The following NEK1 variants were observed in gnomAD, a reference collection of about 807,000 sequenced individuals.
NEK1 encodes the protein NIMA related kinase 1, also known as serine/threonine-protein kinase Nek1.
NEK1 carries 137 observed loss-of-function variants against 182.1 expected under a neutral mutation model. The ratio of observed to expected loss-of-function variants is 0.75; its 90% CI spans 0.65 to 0.87. The LOEUF is 0.87. Ranked by LOEUF, NEK1 falls within the 40% of genes least tolerant of loss-of-function variation. NEK1 has a pLI of 0.00. For missense variants in NEK1, 1,391 were observed against 1,494.4 expected (o/e 0.93, Z 1.14); for synonymous variants, 513 against 492.2 (o/e 1.04, Z -0.56).
intron 27 of NEK1, among the ~76,000 whole-genome samples, chr4:169,443,608 T>C (rs904436733): frequency 1.3e-5 from 2 of 151,866 alleles, no homozygotes; most frequent in Non-Finnish European, 2.9e-5. Flanking sequence ...CATAGAAAAT[T>C]TCTCTAACGA....
At chr4:169,511,076 T>C (rs6829886) in intron 19 of NEK1, among the ~76,000 whole-genome samples, 42,935 of 152,070 alleles carry the variant, frequency 0.28, 8,618 homozygotes, top group African/African-American at 0.58. Context: ...ATAAGCACTG[T>C]TGATCTTAAA....
intron 12 of NEK1, among the ~76,000 whole-genome samples, chr4:169,565,152 T>G (rs1006880018): frequency 3.9e-5 from 6 of 152,176 alleles, no homozygotes; most frequent in African/African-American, 9.6e-5. Context: ...TTAGAGTTGA[T>G]GAGATAAAAA....
intron 18 of NEK1, among the ~76,000 whole-genome samples, chr4:169,549,041 C>T (rs1008820061): frequency 2.0e-5 from 3 of 152,194 alleles, no homozygotes; most frequent in Non-Finnish European, 2.9e-5. Context: ...TTGGCTACCT[C>T]GGTGTCTGCC....
chr4:169,443,460 G>A (rs1412171004), intron 27 of NEK1, among the ~76,000 whole-genome samples: 10 of 145,526 alleles, frequency 6.9e-5, no homozygotes, highest in African/African-American at 1.0e-4. Flanking sequence ...CAGTTCTTTC[G>A]AAATAATCCA....
intron 23 of NEK1, among the ~76,000 whole-genome samples, chr4:169,483,838 C>T (rs1163351913): frequency 7.5e-5 from 11 of 146,808 alleles, no homozygotes; most frequent in Admixed American, 6.9e-4. Flanking sequence ...TGCACTCCAG[C>T]CTGGGCGACA....
chr4:169,441,367 G>A (rs187038265), intron 27 of NEK1, among the ~76,000 whole-genome samples: 67 of 152,334 alleles, frequency 4.4e-4, no homozygotes, highest in African/African-American at 1.5e-3. Flanking sequence ...CTGGTAGCTG[G>A]GAGATCGATC....
chr4:169,424,845 T>C (rs1487363731), intron 30 of NEK1, 45 bp from the exon 31 acceptor site: 1 of 1,509,212 alleles, frequency 6.6e-7, no homozygotes, highest in African/African-American at 1.4e-5. Context: ...ATACAGTACT[T>C]AAAGTTCTAA....
At chr4:169,441,908 C>T (rs942253199) in intron 27 of NEK1, among the ~76,000 whole-genome samples, 3 of 152,056 alleles carry the variant, frequency 2.0e-5, no homozygotes, top group African/African-American at 7.2e-5. Flanking sequence ...TGGAGATCTA[C>T]CCACCTCTGT....
Position 169,394,196 on chromosome 4 carries a change from C to G in NEK1, c.*314G>C, listed in dbSNP as rs1253797195. 1 of 233,628 alleles carries G rather than the reference C, an allele frequency of 4.3e-6. No individual in the cohort carries two copies. The highest frequency in any genetic ancestry group is 8.2e-6 in the Non-Finnish European group (1 of 121,952). 14.5% of individuals were successfully genotyped at this position (233,628 alleles called of 1,614,324 possible). A position where few individuals can be genotyped will look rare whatever the true frequency, so the allele number is the denominator to read the frequency against. On this transcript the variant is annotated 3_prime_UTR_variant, in exon 36 of 36. Transcript: ENST00000507142. ...ACATTTGCTGAAACTCAAAGTTACC[C>G]TATTGCATAGTAAATCTTCAAAACC...
intron 19 of NEK1, among the ~76,000 whole-genome samples, chr4:169,515,336 T>C (rs994021671): frequency 2.0e-5 from 3 of 152,206 alleles, no homozygotes; most frequent in Admixed American, 6.5e-5. Flanking sequence ...ATATCCTTGC[T>C]GATTTTCTGT....
intron 35 of NEK1, among the ~76,000 whole-genome samples, chr4:169,396,365 CAAAAAAAAAAA>C (rs70961598): frequency 7.1e-4 from 27 of 38,052 alleles, no homozygotes; most frequent in Non-Finnish European, 9.9e-4. Context: ...GACTCCATCT[CAAAAAAAAAAA>C]AAAAAAAAAA....
At chr4:169,476,551 G>T (rs1250889311) in intron 26 of NEK1, among the ~76,000 whole-genome samples, 2 of 152,052 alleles carry the variant, frequency 1.3e-5, no homozygotes, top group Admixed American at 6.6e-5. Flanking sequence ...TACAAAAACA[G>T]TCTGTGAAAA....
At chr4:169,563,380 A>C (rs138519181) in intron 12 of NEK1, among the ~76,000 whole-genome samples, 179 of 152,184 alleles carry the variant, frequency 1.2e-3, no homozygotes, top group African/African-American at 3.6e-3. Flanking sequence ...AAAATAAAAA[A>C]ATCAAGTATC....
chr4:169,597,103 G>T (rs540091064), intron 5 of NEK1, among the ~76,000 whole-genome samples: 1 of 152,140 alleles, frequency 6.6e-6, no homozygotes, highest in Non-Finnish European at 1.5e-5. Context: ...TTTAAAGTTC[G>T]ATAGGGATAA....
At chr4:169,456,542 C>G (rs1000044673) in intron 27 of NEK1, among the ~76,000 whole-genome samples, 1 of 152,122 alleles carries the variant, frequency 6.6e-6, no homozygotes, top group African/African-American at 2.4e-5. Flanking sequence ...ACAACTGATA[C>G]TGCAGAAATT....
chr4:169,450,167 T>C (rs1741427704), intron 27 of NEK1, among the ~76,000 whole-genome samples: 1 of 151,952 alleles, frequency 6.6e-6, no homozygotes, highest in Non-Finnish European at 1.5e-5. Context: ...CTCCAAGAAA[T>C]ATGACACTAT....
chr4:169,567,274 TG>T (rs1189960919), intron 12 of NEK1, among the ~76,000 whole-genome samples: 33 of 152,188 alleles, frequency 2.2e-4, no homozygotes, highest in African/African-American at 7.5e-4. Context: ...TTTCTTCAAA[TG>T]TTTTTTTCAT....
intron 19 of NEK1, among the ~76,000 whole-genome samples, chr4:169,524,070 A>G (rs1038779954): frequency 2.6e-5 from 4 of 152,350 alleles, no homozygotes; most frequent in African/African-American, 9.6e-5. Flanking sequence ...AAACTCTTGC[A>G]CATGTGTACC....
chr4:169,566,126 CAATT>C (rs945033410), intron 12 of NEK1, among the ~76,000 whole-genome samples: 14 of 152,074 alleles, frequency 9.2e-5, no homozygotes, highest in African/African-American at 3.4e-4. Context: ...CAACACCAAA[CAATT>C]AAGCAATTTA....
Sources: gnomAD v4.1 joint callset for allele counts (sites outside exome capture counted in the v4.1 genomes callset) on GRCh38, gnomAD v4.1.1 for gene constraint, MANE v1.5 for transcripts, NCBI Gene and HGNC (gene_info 2026-07-23, HGNC 2026-07-21) for gene names.